Variants in KDM2A observed in about 807,000 individuals in gnomAD.
KDM2A encodes the protein lysine-specific demethylase 2A.
KDM2A carries 3 observed loss-of-function variants against 137.3 expected under a neutral mutation model. That is an observed-to-expected ratio of 0.02 (90% CI 0.01 to 0.06). The LOEUF is 0.06. KDM2A is among the 10% of genes least tolerant of loss of function. The probability of loss-of-function intolerance (pLI) is 1.00; values close to 1 mark genes in which losing one functional copy is unlikely to be tolerated. For synonymous variants in KDM2A, 512 were observed against 541.5 expected (o/e 0.95, Z 0.76); for missense variants, 738 against 1,510.6 (o/e 0.49, Z 8.48).
chr11:67,227,805 A>G (rs1858594714), intron 10 of KDM2A, among the ~76,000 whole-genome samples: 1 of 152,094 alleles, frequency 6.6e-6, no homozygotes, highest in African/African-American at 2.4e-5. Context: ...TCCTGACCTC[A>G]AGTGATCCAC....
At chr11:67,148,408 G>C (rs1274795589) in intron 2 of KDM2A, among the ~76,000 whole-genome samples, 1 of 152,062 alleles carries the variant, frequency 6.6e-6, no homozygotes, top group Non-Finnish European at 1.5e-5. Flanking sequence ...ACAACAGAGT[G>C]AGACCTAATT....
Position 67,201,216 on chromosome 11 carries a change from A to ATG in KDM2A, c.308-6293_308-6292insGT, listed in dbSNP as rs1256887712. ...CTCAAAAAAAAAAATATATATATAT[A>ATG]TATGTGTGTGTGTGTGTGTATATAT... On this transcript the variant is annotated intron_variant, in intron 5 of 20. Transcript: ENST00000529006. Among the ~76,000 whole-genome samples the ATG allele has an allele frequency of 6.1e-4, 12 of 19,718 alleles. No homozygotes were observed. The South Asian group carries it at 8.6e-3, about 14-fold the overall frequency. The allele number at this position is 19,718 out of a possible 152,430, so 12.9% of individuals were successfully genotyped here.
intron 2 of KDM2A, among the ~76,000 whole-genome samples, chr11:67,154,805 G>A (rs1264387643): frequency 6.6e-6 from 1 of 152,120 alleles, no homozygotes; most frequent in Non-Finnish European, 1.5e-5. Flanking sequence ...CTTTCACTTA[G>A]CATATGTTCG....
At chr11:67,156,323 G>A (rs1428318420) in intron 2 of KDM2A, among the ~76,000 whole-genome samples, 15 of 151,778 alleles carry the variant, frequency 9.9e-5, no homozygotes, top group African/African-American at 2.7e-4. Context: ...AGTGGCTCAC[G>A]CCTGTAATCC....
chr11:67,181,962 G>C, intron 5 of KDM2A, 70 bp downstream of exon 5: 1 of 1,333,040 alleles, frequency 7.5e-7, no homozygotes, highest in South Asian at 1.2e-5. Context: ...TTAAATCTCT[G>C]ACTGAGATTT....
At chr11:67,213,427 A>G (rs755603452) in intron 6 of KDM2A, among the ~76,000 whole-genome samples, 1 of 152,086 alleles carries the variant, frequency 6.6e-6, no homozygotes, top group African/African-American at 2.4e-5. Flanking sequence ...AATGTTGCGT[A>G]TTGCTTTCAC....
intron 5 of KDM2A, among the ~76,000 whole-genome samples, chr11:67,190,560 G>A (rs748474142): frequency 4.6e-5 from 7 of 151,918 alleles, no homozygotes; most frequent in Non-Finnish European, 1.0e-4. Context: ...AGGAGTTTGA[G>A]ACCATCCTGG....
At chr11:67,224,527 G>A (rs1858473458) in intron 10 of KDM2A, among the ~76,000 whole-genome samples, 1 of 135,004 alleles carries the variant, frequency 7.4e-6, no homozygotes, top group Non-Finnish European at 1.5e-5. Context: ...GTGCAGTGGT[G>A]CGATCTCAGC....
intron 2 of KDM2A, among the ~76,000 whole-genome samples, chr11:67,173,368 C>T (rs143135493): frequency 6.6e-6 from 1 of 152,300 alleles, no homozygotes; most frequent in African/African-American, 2.4e-5. Flanking sequence ...GTGATCCGCC[C>T]GCCTTGGCCT....
At position 67,164,279 on chromosome 11, in the gene KDM2A, AGGTTCAT is replaced by A. The variant is rs1306814409; in HGVS notation, c.43-15799_43-15793del. On this transcript the variant is annotated intron_variant, in intron 2 of 20. Transcript: ENST00000529006. ...TAGTTTTGCTAAACATAGTAAATAT[AGGTTCAT>A]ACCTGAAAGTGAATTTTTGATTTCA... Among the ~76,000 whole-genome samples the A allele has an allele frequency of 2.0e-5, 3 of 152,310 alleles. No homozygotes were observed. The East Asian group carries it at 5.8e-4, about 29-fold the overall frequency.
intron 5 of KDM2A, chr11:67,196,139 T>C (rs1036731203): frequency 2.5e-6 from 1 of 392,910 alleles, no homozygotes; most frequent in African/African-American, 2.1e-5. Context: ...TCACCCATAT[T>C]AGGGCAATTT....
intron 17 of KDM2A, among the ~76,000 whole-genome samples, chr11:67,251,951 G>A (rs989318567): frequency 3.3e-5 from 5 of 152,190 alleles, no homozygotes; most frequent in Non-Finnish European, 5.9e-5. Context: ...TTCCCGTTAT[G>A]TGCTGTCTCT....
In KDM2A at chr11:67,217,829, A is replaced by G. The variant is rs370448526; in HGVS notation, c.786A>G (p.Val262=). ...GAGACATCTTTCTGGGTGACCGGGT[A>G]TCAGATTGTCAGCGCATTGAGCTCA... The part of the protein sequence containing the change: ...KQGDIFLGDR[V]SDCQRIELKQ... Residue 262 remains valine, a synonymous_variant, in exon 9 of 21, where the codon GTA becomes GTG. Transcript: ENST00000529006. 3.7e-5 allele frequency: 60 copies of G among 1,613,280 alleles called. No homozygotes were observed. The highest frequency in any genetic ancestry group is 4.9e-5 in the Non-Finnish European group (58 of 1,179,692).
intron 5 of KDM2A, among the ~76,000 whole-genome samples, chr11:67,190,772 T>C (rs770899792): frequency 2.6e-5 from 4 of 152,118 alleles, no homozygotes; most frequent in South Asian, 2.1e-4. Context: ...AAAAAAATAC[T>C]ACGAACAATT....
At position 67,250,479 on chromosome 11, in the gene KDM2A, C is replaced by T. The variant is rs1859381712; in HGVS notation, c.2449C>T (p.Pro817Ser). ...TKELHGTSIV[P>S]KLQAITASSA... ...AGAGCTCCACGGGACATCCATTGTGCCCAAGCTGCAGGCCATCACGGCCTC... is the reference window on the plus strand; with the variant it reads ...AGAGCTCCACGGGACATCCATTGTGTCCAAGCTGCAGGCCATCACGGCCTC... The change falls in exon 17 of 21, where the codon CCC (proline) becomes TCC (serine). Residue 817 changes from proline (P) to serine (S), a missense_variant. Physicochemically the swap from Pro to Ser is moderately conservative, Grantham distance 74. This residue lies in a region of KDM2A where 244 missense variants were observed against 324.6 expected (regional missense o/e 0.75). Transcript: ENST00000529006. This position sits in a 1 kb window ranked among gnomAD's most constrained non-coding sequence, Gnocchi z 7.1. 1 of 1,613,968 alleles carries T rather than the reference C, an allele frequency of 6.2e-7. No individual in the cohort carries two copies. Among genetic ancestry groups the T allele is most frequent in the African/African-American group, 1.3e-5 (1 of 74,950 alleles).
At chr11:67,196,161 A>G (rs1051996156) in intron 5 of KDM2A, 2 of 416,338 alleles carry the variant, frequency 4.8e-6, no homozygotes, top group South Asian at 3.5e-5. Flanking sequence ...CTAACAAGAC[A>G]TAATCCACTA....
At chr11:67,223,341 C>T (rs930709351) in intron 10 of KDM2A, among the ~76,000 whole-genome samples, 5 of 151,894 alleles carry the variant, frequency 3.3e-5, no homozygotes, top group Non-Finnish European at 5.9e-5. Flanking sequence ...CGAGTAAAAA[C>T]TCAAAATTTT....
In KDM2A at chr11:67,256,936, G is replaced by A. The variant is rs1190271067; in HGVS notation, c.*1881G>A. On this transcript the variant is annotated 3_prime_UTR_variant, in exon 21 of 21. Coordinates refer to ENST00000529006, the MANE Select transcript of KDM2A (RefSeq NM_012308.3). ...TCTGGGGTTGAAACTTTGAGGAAAT[G>A]CCAGTGACTTATTCCAGAGTGCCTC... 2.0e-5 allele frequency: 3 copies of A among 152,662 alleles called. No homozygotes were observed. The highest frequency in any genetic ancestry group is 6.5e-5 in the Admixed American group (1 of 15,282). 9.5% of individuals were successfully genotyped at this position (152,662 alleles called of 1,614,324 possible). A position where few individuals can be genotyped will look rare whatever the true frequency, so the allele number is the denominator to read the frequency against.
At chr11:67,230,182 A>G (rs191126607) in intron 11 of KDM2A, among the ~76,000 whole-genome samples, 1 of 151,996 alleles carries the variant, frequency 6.6e-6, no homozygotes, top group African/African-American at 2.4e-5. Flanking sequence ...TCTCAAAAAA[A>G]AAAAAAAATA....
Sources: allele counts gnomAD v4.1 joint callset (sites outside exome capture counted in the v4.1 genomes callset), GRCh38; gene constraint gnomAD v4.1.1; regional missense constraint gnomAD v4.1.1; non-coding constraint Gnocchi (gnomAD v3.1); transcripts MANE v1.5; gene names NCBI Gene and HGNC (gene_info 2026-07-23, HGNC 2026-07-21).